GPC5: variants seen among roughly 807,000 people sequenced by gnomAD.
GPC5 encodes the protein glypican-5.
GPC5 carries 47 observed loss-of-function variants against 53.9 expected under a neutral mutation model. That is an observed-to-expected ratio of 0.87 (90% confidence interval 0.69 to 1.11). The LOEUF (loss-of-function observed/expected upper bound fraction) is 1.11. Ranked by LOEUF, GPC5 falls within the 50% of genes most tolerant of loss-of-function variation. GPC5 has a pLI of 0.00. For missense variants in GPC5, 748 were observed against 713.1 expected (o/e 1.05, Z -0.56); for synonymous variants, 286 against 263.3 (o/e 1.09, Z -0.84).
intron 7 of GPC5, among the ~76,000 whole-genome samples, chr13:92,216,737 T>G (rs567700484): frequency 6.6e-6 from 1 of 152,168 alleles, no homozygotes; most frequent in South Asian, 2.1e-4. Context: ...CCCAGCACTT[T>G]GGGAGGCCAA....
rs560313187 is a variant in GPC5, at chr13:92,675,698, A to G, written c.1562-190584A>G. The stretch of plus-strand genomic sequence containing the variant: ...ATATGAATCTTATAGTTTACTTAGC[A>G]CGTGCTTTAATAAAGTTTCCTCTCC... On this transcript the variant is annotated intron_variant, in intron 7 of 7. Transcript: ENST00000377067. Among the ~76,000 whole-genome samples, 35 of 152,222 alleles carry G rather than the reference A, an allele frequency of 2.3e-4. 1 individual carries two copies. The highest frequency in any genetic ancestry group is 7.2e-4 in the Admixed American group (11 of 15,276).
At chr13:91,484,203 C>T (rs1057112711) in intron 2 of GPC5, among the ~76,000 whole-genome samples, 4 of 152,214 alleles carry the variant, frequency 2.6e-5, no homozygotes, top group Non-Finnish European at 5.9e-5. Context: ...ACTTTGACAT[C>T]GTGAGAAATG....
chr13:91,708,900 C>T (rs111712186), intron 3 of GPC5, among the ~76,000 whole-genome samples: 5,336 of 152,128 alleles, frequency 0.035, 171 homozygotes, highest in African/African-American at 0.078. Flanking sequence ...TTTTTAGAAA[C>T]ATTTTGTCTT....
intron 7 of GPC5, among the ~76,000 whole-genome samples, chr13:92,655,947 C>T (rs1290013446): frequency 6.6e-6 from 1 of 152,166 alleles, no homozygotes; most frequent in East Asian, 1.9e-4. Flanking sequence ...ATAGCAAACA[C>T]TGTATTAGGT....
At chr13:91,565,326 C>T (rs1442271067) in intron 2 of GPC5, among the ~76,000 whole-genome samples, 5 of 152,166 alleles carry the variant, frequency 3.3e-5, no homozygotes, top group Admixed American at 6.5e-5. Context: ...AGAGTTTATA[C>T]TGCTTCAACA....
At chr13:92,350,622 G>A (rs1188361466) in intron 7 of GPC5, among the ~76,000 whole-genome samples, 1 of 152,050 alleles carries the variant, frequency 6.6e-6, no homozygotes, top group Non-Finnish European at 1.5e-5. Context: ...TGCACAGCAT[G>A]GTGAATATAG....
intron 7 of GPC5, among the ~76,000 whole-genome samples, chr13:92,404,892 T>C (rs750150560): frequency 6.7e-6 from 1 of 150,294 alleles, no homozygotes; most frequent in Non-Finnish European, 1.5e-5. Flanking sequence ...TAATATACTG[T>C]AAATGTATAG....
At chr13:92,140,890 G>A (rs1216323970) in intron 6 of GPC5, among the ~76,000 whole-genome samples, 1 of 152,126 alleles carries the variant, frequency 6.6e-6, no homozygotes, top group African/African-American at 2.4e-5. Context: ...AGAAAAACAA[G>A]GGCTACAGAT....
At chr13:92,805,050 C>T (rs976640535) in intron 7 of GPC5, among the ~76,000 whole-genome samples, 5 of 152,026 alleles carry the variant, frequency 3.3e-5, no homozygotes, top group African/African-American at 7.2e-5. Flanking sequence ...TCTGTGGTTA[C>T]TTTCTCCACT....
At chr13:91,930,581 T>C (rs1267785965) in intron 6 of GPC5, among the ~76,000 whole-genome samples, 1 of 152,024 alleles carries the variant, frequency 6.6e-6, no homozygotes, top group African/African-American at 2.4e-5. Context: ...CAGCCTTTTT[T>C]GTCCTACAAA....
intron 7 of GPC5, among the ~76,000 whole-genome samples, chr13:92,461,160 T>G (rs1878463875): frequency 6.6e-6 from 1 of 152,152 alleles, no homozygotes; most frequent in Non-Finnish European, 1.5e-5. Flanking sequence ...GTATTCCCTG[T>G]AGATTCAAAA....
chr13:92,765,587 G>C (rs1251090798), intron 7 of GPC5, among the ~76,000 whole-genome samples: 1 of 152,170 alleles, frequency 6.6e-6, no homozygotes, highest in Non-Finnish European at 1.5e-5. Flanking sequence ...TGTAGCCCAG[G>C]AGTTCTCAGC....
At chr13:91,522,094 A>T (rs887394121) in intron 2 of GPC5, among the ~76,000 whole-genome samples, 1 of 152,234 alleles carries the variant, frequency 6.6e-6, no homozygotes, top group African/African-American at 2.4e-5. Flanking sequence ...GAACTTCCAT[A>T]TATTTAGCTA....
At chr13:92,605,991 A>T (rs1884243584) in intron 7 of GPC5, among the ~76,000 whole-genome samples, 1 of 152,122 alleles carries the variant, frequency 6.6e-6, no homozygotes, top group Non-Finnish European at 1.5e-5. Context: ...TAAAAATAAA[A>T]ATTTTCAAAG....
chr13:91,936,421 G>C (rs1181422690), intron 6 of GPC5, among the ~76,000 whole-genome samples: 1 of 152,126 alleles, frequency 6.6e-6, no homozygotes, highest in African/African-American at 2.4e-5. Context: ...TCAACAACAT[G>C]GCCGTCTGAG....
At chr13:91,504,156 A>G (rs896982970) in intron 2 of GPC5, among the ~76,000 whole-genome samples, 7 of 152,092 alleles carry the variant, frequency 4.6e-5, no homozygotes, top group African/African-American at 1.7e-4. Flanking sequence ...CTTATATTTA[A>G]TCTTTAAAAA....
At chr13:92,293,375 T>C (rs890893729) in intron 7 of GPC5, among the ~76,000 whole-genome samples, 2 of 149,090 alleles carry the variant, frequency 1.3e-5, no homozygotes, top group Admixed American at 1.3e-4. Context: ...TGTAGAGGTC[T>C]TTCACCTCTT....
chr13:91,836,860 C>G (rs1306369485), intron 5 of GPC5, among the ~76,000 whole-genome samples: 1 of 151,008 alleles, frequency 6.6e-6, no homozygotes, highest in Non-Finnish European at 1.5e-5. Context: ...TATAATTATG[C>G]TCAAATAAGA....
At chr13:92,256,283 TTATTGTATATACAG>T (rs1468440446) in intron 7 of GPC5, among the ~76,000 whole-genome samples, 1 of 152,048 alleles carries the variant, frequency 6.6e-6, no homozygotes, top group African/African-American at 2.4e-5. Context: ...ACTATATAAC[TTATTGTATATACAG>T]TGTTCTCTAT....
Sources: gnomAD v4.1 joint callset for allele counts (sites outside exome capture counted in the v4.1 genomes callset) on GRCh38, gnomAD v4.1.1 for gene constraint, MANE v1.5 for transcripts, NCBI Gene and HGNC (gene_info 2026-07-23, HGNC 2026-07-21) for gene names.